The following CSMD3 variants were observed in gnomAD, a reference collection of about 807,000 sequenced individuals.
The protein encoded by CSMD3 is CUB and sushi domain-containing protein 3.
CSMD3 carries 177 observed loss-of-function variants against 435.2 expected under a neutral mutation model. That is an observed-to-expected ratio of 0.41 (90% CI 0.36 to 0.46). The LOEUF (loss-of-function observed/expected upper bound fraction) is 0.46. CSMD3 is among the 20% of genes least tolerant of loss of function. The pLI, the probability that CSMD3 is intolerant of heterozygous loss-of-function variation, is 0.34. For synonymous variants in CSMD3, 1,656 were observed against 1,520.5 expected (o/e 1.09, Z -2.07); for missense variants, 4,265 against 4,504.6 (o/e 0.95, Z 1.52).
At position 112,954,736 on chromosome 8, in the gene CSMD3, A is replaced by G. The variant is rs767835563; in HGVS notation, c.1368T>C (p.Ser456=). Residue 456 remains serine (S), a synonymous_variant, in exon 8 of 71, where the codon TCT becomes TCC. Transcript: ENST00000297405. ...HRVKKAIDFK[S]RGFKLFPGKD... is the part of the protein sequence containing the mutation. The stretch of plus-strand genomic sequence containing the variant: ...TCCCTGGAAACAATTTAAATCCTCT[A>G]GATTTAAAATCTATGGCCTTTTTCA... 6.9e-6 allele frequency: 11 copies of G among 1,590,888 alleles called. No individual in the cohort carries two copies. The Admixed American group carries it at 1.8e-4, about 27-fold the overall frequency.
intron 13 of CSMD3, among the ~76,000 whole-genome samples, chr8:112,698,931 C>G (rs938604258): frequency 6.6e-6 from 1 of 152,044 alleles, no homozygotes; most frequent in African/African-American, 2.4e-5. Flanking sequence ...TAAAAACGCA[C>G]CAATCAGCGC....
intron 30 of CSMD3, among the ~76,000 whole-genome samples, chr8:112,502,597 C>A (rs756661623): frequency 6.6e-6 from 1 of 152,172 alleles, no homozygotes; most frequent in Non-Finnish European, 1.5e-5. Flanking sequence ...TGACCTCTTA[C>A]GATAGCCCTG....
At chr8:112,502,576 G>A in intron 30 of CSMD3, among the ~76,000 whole-genome samples, 1 of 152,158 alleles carries the variant, frequency 6.6e-6, no homozygotes, top group East Asian at 1.9e-4. Context: ...CATGTGTTGT[G>A]AAATTTATCG....
intron 10 of CSMD3, among the ~76,000 whole-genome samples, chr8:112,866,844 T>A (rs1009341890): frequency 6.6e-6 from 1 of 152,230 alleles, no homozygotes; most frequent in Non-Finnish European, 1.5e-5. Flanking sequence ...TTCTATCGCT[T>A]CTAGAAATTC....
intron 3 of CSMD3, among the ~76,000 whole-genome samples, chr8:113,247,533 A>G (rs377476201): frequency 3.9e-5 from 6 of 152,232 alleles, no homozygotes; most frequent in Non-Finnish European, 7.4e-5. Flanking sequence ...TTTGTGAATA[A>G]ACACACCAGA....
At chr8:112,469,260 C>T (rs1021527734) in intron 32 of CSMD3, among the ~76,000 whole-genome samples, 1 of 150,188 alleles carries the variant, frequency 6.7e-6, no homozygotes, top group Admixed American at 6.6e-5. Flanking sequence ...TCTGTTCTTA[C>T]ATTGAAGGAA....
rs181463179 is a variant in CSMD3 at position 112,848,970 on chromosome 8, C to T, written c.1755+10175G>A. Among the ~76,000 whole-genome samples, 315 of 152,106 alleles carry T rather than the reference C, an allele frequency of 2.1e-3. 1 individual carries two copies. Among genetic ancestry groups the T allele is most frequent in the African/African-American group, 7.1e-3 (294 of 41,534 alleles). ...ATTTTAAGATCCACAAGTGATGTGA[C>T]GCAAATTTAAAACAAAGTAAATATT... On this transcript the variant is annotated intron_variant, in intron 11 of 70. Transcript: ENST00000297405.
intron 5 of CSMD3, among the ~76,000 whole-genome samples, chr8:113,034,168 C>T (rs1283316313): frequency 1.3e-5 from 2 of 151,376 alleles, no homozygotes; most frequent in East Asian, 1.9e-4. Flanking sequence ...AAGGATCTCT[C>T]TGTATTATTT....
intron 7 of CSMD3, among the ~76,000 whole-genome samples, chr8:112,957,190 A>G (rs2084051475): frequency 6.6e-6 from 1 of 152,186 alleles, no homozygotes; most frequent in African/African-American, 2.4e-5. Flanking sequence ...TATAAAAGAT[A>G]CAGAGCATAA....
At chr8:112,596,731 T>C (rs1188460117) in intron 22 of CSMD3, among the ~76,000 whole-genome samples, 1 of 152,010 alleles carries the variant, frequency 6.6e-6, no homozygotes, top group Non-Finnish European at 1.5e-5. Context: ...ACCGCTCAAC[T>C]AGATGGAAAC....
chr8:112,691,183 A>G (rs189948522), intron 13 of CSMD3, among the ~76,000 whole-genome samples: 40 of 152,270 alleles, frequency 2.6e-4, no homozygotes, highest in East Asian at 1.9e-3. Context: ...TATGTTTTAG[A>G]GATACTATTG....
intron 22 of CSMD3, among the ~76,000 whole-genome samples, chr8:112,613,344 TA>T (rs558427113): frequency 2.4e-4 from 36 of 152,320 alleles, no homozygotes; most frequent in African/African-American, 8.7e-4. Context: ...CTATAAAGCA[TA>T]AATGGAAAGG....
At chr8:113,362,863 A>C (rs916547557) in intron 1 of CSMD3, among the ~76,000 whole-genome samples, 32 of 152,320 alleles carry the variant, frequency 2.1e-4, no homozygotes, top group African/African-American at 7.7e-4. Flanking sequence ...CCTGCCTGAC[A>C]AAAATGGTAA....
At chr8:112,472,073 G>A (rs1286998644) in intron 32 of CSMD3, among the ~76,000 whole-genome samples, 1 of 152,198 alleles carries the variant, frequency 6.6e-6, no homozygotes, top group African/African-American at 2.4e-5. Flanking sequence ...AGGTTGACAA[G>A]ATGAGCTGAA....
chr8:112,787,435 G>A (rs923651486), intron 13 of CSMD3, among the ~76,000 whole-genome samples: 5 of 151,992 alleles, frequency 3.3e-5, no homozygotes, highest in Admixed American at 6.6e-5. Flanking sequence ...AATACTGCTA[G>A]GTATGTACCC....
chr8:113,031,504 T>C lies in CSMD3; in HGVS notation c.918-12325A>G, dbSNP rs145133690. ...AGAACTGAGTAGTGGTCAGTAGGTG[T>C]TATGGTGGGGCAGGTTAGGTGGGAA... On this transcript the variant is annotated intron_variant, in intron 5 of 70. Transcript: ENST00000297405. Among the ~76,000 whole-genome samples the C allele has an allele frequency of 1.2e-3, 181 of 151,578 alleles. 1 individual carries two copies. Among genetic ancestry groups the C allele is most frequent in the African/African-American group, 3.9e-3 (162 of 41,482 alleles).
chr8:113,236,863 AT>A (rs563547784), intron 3 of CSMD3, among the ~76,000 whole-genome samples: 71 of 151,974 alleles, frequency 4.7e-4, no homozygotes, highest in South Asian at 1.0e-3. Flanking sequence ...CTATCTATCT[AT>A]TTTTCTATCT....
chr8:112,380,380 A>G lies in CSMD3; in HGVS notation c.6108T>C (p.Ser2036=). ...YLNFQSDISV[S]AAGFHLEYTA... ...TGTATTCAAGATGAAATCCTGCAGC[A>G]GAAACACTGATGTCTGATTGAAAAT... The change falls in exon 38 of 71, where the codon TCT becomes TCC. Residue 2036 remains serine (S), a synonymous_variant. Coordinates refer to ENST00000297405, the MANE Select transcript of CSMD3 (RefSeq NM_198123.2). 1 of 1,593,222 alleles carries G rather than the reference A, an allele frequency of 6.3e-7. No homozygotes were observed. The highest frequency in any genetic ancestry group is 8.6e-7 in the Non-Finnish European group (1 of 1,161,320).
rs1261078825 is a variant in CSMD3 at position 112,234,354 on chromosome 8, A to C, written c.10740+11T>G. On this transcript the variant is annotated intron_variant, in intron 68 of 70. Coordinates refer to ENST00000297405, the MANE Select transcript of CSMD3 (RefSeq NM_198123.2). The stretch of plus-strand genomic sequence containing the variant: ...AAAATCAGCAGCAGATGTTAAAATA[A>C]CTATACTTACAAAGCCATCCATTGC... 1 of 1,521,878 alleles carries C rather than the reference A, an allele frequency of 6.6e-7. No individual in the cohort carries two copies. 94.3% of individuals were successfully genotyped at this position (1,521,878 alleles called of 1,614,324 possible).
Sources: allele counts gnomAD v4.1 joint callset (sites outside exome capture counted in the v4.1 genomes callset), GRCh38; gene constraint gnomAD v4.1.1; transcripts MANE v1.5; gene names NCBI Gene and HGNC (gene_info 2026-07-23, HGNC 2026-07-21).